EXOC6: variants seen among roughly 807,000 people sequenced by gnomAD.
EXOC6 encodes the protein exocyst complex component 6, also known as SEC15-like 1.
Under a neutral mutation model 112.5 loss-of-function variants are expected in EXOC6, and 60 were observed. That is an observed-to-expected ratio of 0.53 (90% CI 0.43 to 0.66). EXOC6 has a LOEUF of 0.66. EXOC6 is among the 30% of genes least tolerant of loss of function. The pLI is 0.00. For missense variants in EXOC6, 855 were observed against 957.1 expected (o/e 0.89, Z 1.41); for synonymous variants, 295 against 308.0 (o/e 0.96, Z 0.44).
At chr10:92,847,140 A>G (rs891256016), upstream of EXOC6, among the ~76,000 whole-genome samples, 3 of 152,256 alleles carry the variant, frequency 2.0e-5, no homozygotes, top group Admixed American at 2.0e-4. Context: ...ACAGACTTCT[A>G]ACGTACAGAA....
chr10:92,902,603 TTA>T (rs983807152), intron 5 of EXOC6, among the ~76,000 whole-genome samples: 1 of 152,126 alleles, frequency 6.6e-6, no homozygotes, highest in Non-Finnish European at 1.5e-5. Context: ...ACATTTTTGT[TTA>T]TGTTATACTA....
At chr10:93,021,894 TA>T (rs1383832620) in intron 20 of EXOC6, among the ~76,000 whole-genome samples, 2 of 152,254 alleles carry the variant, frequency 1.3e-5, no homozygotes, top group African/African-American at 4.8e-5. Flanking sequence ...GTAATTCGTT[TA>T]TGTGATGTTA....
In EXOC6 at chr10:92,894,983, T is replaced by C. The variant is rs761661800; in HGVS notation, c.375T>C (p.Ile125=). 8 of 1,612,588 alleles carry C rather than the reference T, an allele frequency of 5.0e-6. No homozygotes were observed. The Admixed American group carries it at 1.2e-4, about 24-fold the overall frequency. The change falls in exon 4 of 22, where the codon ATT becomes ATC. Residue 125 remains isoleucine, a synonymous_variant. Coordinates refer to ENST00000260762, the MANE Select transcript of EXOC6 (RefSeq NM_019053.6). ...GATGTAGAATTCAGCAGAGAAATAT[T>C]ACAACTGTAGTAGAAAAATTGCAGT... ...IIRCRIQQRN[I]TTVVEKLQLC...
intron 6 of EXOC6, 127 bp downstream of exon 6, chr10:92,909,758 G>A: frequency 1.3e-5 from 8 of 627,114 alleles, no homozygotes; most frequent in Non-Finnish European, 1.9e-5. Context: ...ATCTTTTCTG[G>A]TTATTGTTTA....
At chr10:92,895,467 G>T (rs1849697567) in intron 4 of EXOC6, among the ~76,000 whole-genome samples, 1 of 152,010 alleles carries the variant, frequency 6.6e-6, no homozygotes. Flanking sequence ...GTGCTGATAA[G>T]GTAAGAAAAA....
intron 8 of EXOC6, among the ~76,000 whole-genome samples, chr10:92,922,032 G>T (rs937932263): frequency 2.0e-5 from 3 of 151,720 alleles, no homozygotes; most frequent in Admixed American, 2.0e-4. Flanking sequence ...TACAACCTGC[G>T]CCTCCTGGGT....
intron 20 of EXOC6, among the ~76,000 whole-genome samples, chr10:93,045,212 C>G (rs1461620752): frequency 6.6e-6 from 1 of 152,088 alleles, no homozygotes; most frequent in African/African-American, 2.4e-5. Flanking sequence ...TAAAGAAAAG[C>G]CAGTCATTGT....
intron 1 of EXOC6, among the ~76,000 whole-genome samples, chr10:92,850,356 C>G (rs1847262942): frequency 6.6e-6 from 1 of 152,106 alleles, no homozygotes; most frequent in South Asian, 2.1e-4. Flanking sequence ...TGTTTGAACC[C>G]ACTCTCTTTT....
At chr10:92,880,716 T>A (rs1848920710) in intron 1 of EXOC6, among the ~76,000 whole-genome samples, 3 of 151,968 alleles carry the variant, frequency 2.0e-5, no homozygotes, top group Non-Finnish European at 4.4e-5. Flanking sequence ...ATTTATGAAA[T>A]TAACATTAAG....
intron 13 of EXOC6, among the ~76,000 whole-genome samples, chr10:92,942,700 T>C (rs905618926): frequency 2.6e-5 from 4 of 152,204 alleles, no homozygotes; most frequent in African/African-American, 4.8e-5. Context: ...TAAAATCTTA[T>C]AGACTTGATG....
At chr10:92,992,280 T>A in intron 18 of EXOC6, among the ~76,000 whole-genome samples, 1 of 109,832 alleles carries the variant, frequency 9.1e-6, no homozygotes, top group South Asian at 3.7e-4. Flanking sequence ...AGATCAAGAC[T>A]CTGTCTCAAA....
intron 20 of EXOC6, among the ~76,000 whole-genome samples, chr10:93,021,339 A>G (rs1844780085): frequency 2.0e-5 from 3 of 151,998 alleles, no homozygotes; most frequent in Admixed American, 1.3e-4. Flanking sequence ...CAAACCAAAC[A>G]AAAACATGTA....
chr10:92,926,107 A>G (rs1851704585), intron 8 of EXOC6, among the ~76,000 whole-genome samples: 1 of 151,872 alleles, frequency 6.6e-6, no homozygotes, highest in East Asian at 1.9e-4. Context: ...TGAACCAGAA[A>G]GTATATTATT....
intron 5 of EXOC6, among the ~76,000 whole-genome samples, chr10:92,906,036 C>G (rs1417401658): frequency 6.6e-6 from 1 of 152,082 alleles, no homozygotes; most frequent in African/African-American, 2.4e-5. Context: ...TAGTTACATG[C>G]ACAGTAAGGA....
chr10:92,839,017 A>C (rs1846749366), intron 1 of EXOC6, among the ~76,000 whole-genome samples: 1 of 152,040 alleles, frequency 6.6e-6, no homozygotes, highest in Non-Finnish European at 1.5e-5. Flanking sequence ...AGGTTGCTGT[A>C]AGCCGAGATC....
At chr10:92,930,427 C>T (rs916351454) in intron 9 of EXOC6, among the ~76,000 whole-genome samples, 12 of 151,732 alleles carry the variant, frequency 7.9e-5, no homozygotes, top group Non-Finnish European at 1.3e-4. Flanking sequence ...CACTTGAACC[C>T]GAGAGGCAGA....
chr10:92,894,896 T>C (rs1165490194), intron 3 of EXOC6, 34 bp from the exon 4 acceptor site: 2 of 1,605,950 alleles, frequency 1.2e-6, no homozygotes, highest in African/African-American at 2.7e-5. Context: ...TTTAACTGTT[T>C]GTTTAAAAAT....
upstream of EXOC6, chr10:92,831,254 C>A: frequency 9.0e-7 from 1 of 1,106,912 alleles, no homozygotes; most frequent in Non-Finnish European, 1.2e-6. Context: ...CAGAGGGAAG[C>A]AACTGGGCCA....
upstream of EXOC6, among the ~76,000 whole-genome samples, chr10:92,845,919 C>G (rs906491502): frequency 6.6e-6 from 1 of 152,136 alleles, no homozygotes; most frequent in Non-Finnish European, 1.5e-5. Flanking sequence ...GCCTGGGTAA[C>G]AAAAGCGAAA....
Sources: gnomAD v4.1 joint callset for allele counts (sites outside exome capture counted in the v4.1 genomes callset) on GRCh38, gnomAD v4.1.1 for gene constraint, MANE v1.5 for transcripts, NCBI Gene and HGNC (gene_info 2026-07-23, HGNC 2026-07-21) for gene names.